The following GOLGA4 variants were observed in gnomAD, a reference collection of about 807,000 sequenced individuals.
GOLGA4 encodes the protein golgin A4, also known as golgin subfamily A member 4.
GOLGA4 carries 169 observed loss-of-function variants against 265.9 expected under a neutral mutation model. That is an observed-to-expected ratio of 0.64 (90% CI 0.56 to 0.72). The LOEUF (loss-of-function observed/expected upper bound fraction) is 0.72, where lower values mean the gene tolerates loss of function less well. Among genes scored for constraint, GOLGA4 ranks in the 30% least tolerant of loss-of-function variants. The pLI is 0.00. For synonymous variants in GOLGA4, 923 were observed against 855.8 expected, an observed-to-expected ratio of 1.08 and a Z score of -1.37; for missense variants, 2,482 against 2,483.4, an observed-to-expected ratio of 1.00 and a Z score of 0.01.
In GOLGA4 at chr3:37,356,464, G is replaced by GT. The variant is rs199517073; in HGVS notation, c.6663+1283dup. 2.3e-3 allele frequency among the ~76,000 whole-genome samples: 348 copies of GT among 152,126 alleles called. 1 individual carries two copies. The highest frequency in any genetic ancestry group is 7.8e-3 in the African/African-American group (325 of 41,526). ...CTATTATTTTGGTTAGCATTTAATT[G>GT]TTTTTTGTAAAAATCCCTCCTCTGC... On this transcript the variant is annotated intron_variant, in intron 22 of 23. Coordinates refer to ENST00000361924, the MANE Select transcript of GOLGA4 (RefSeq NM_002078.5).
chr3:37,326,269 A>C lies in GOLGA4; in HGVS notation c.4383A>C (p.Lys1461Asn), dbSNP rs1470537846. 6.2e-7 allele frequency: 1 copy of C among 1,613,318 alleles called. No individual in the cohort carries two copies. The highest frequency in any genetic ancestry group is 1.3e-5 in the African/African-American group (1 of 74,912). ...TTACACAGCATCAAAACACTGTTAA[A>C]GAATTGCAGATCCAGCTTGAGTTAA... ...SRFTQHQNTV[K>N]ELQIQLELKS... The change falls in exon 14 of 24, where the codon AAA becomes AAC. Residue 1461 changes from lysine to asparagine, a missense_variant. Around this residue, in one of 3 missense-constraint regions of GOLGA4, gnomAD observed 942 missense variants for 983.1 expected, o/e 0.96. Transcript: ENST00000361924.
Position 37,361,840 on chromosome 3 carries a change from G to T in GOLGA4, c.*33+535G>T, listed in dbSNP as rs74802967. On this transcript the variant is annotated intron_variant, in intron 23 of 23. Transcript: ENST00000361924. Reference sequence around the variant, plus strand: ...TAACACAAGACAACACATTTGTCCTGAGGAGACCGTTAGGCAGCCTACTTT... The same window carrying T: ...TAACACAAGACAACACATTTGTCCTTAGGAGACCGTTAGGCAGCCTACTTT... Among the ~76,000 whole-genome samples the T allele has an allele frequency of 5.2e-3, 788 of 152,338 alleles. 2 individuals carry two copies. Among genetic ancestry groups the T allele is most frequent in the Non-Finnish European group, 8.4e-3 (571 of 68,024 alleles).
At chr3:37,362,893 C>T (rs1315771839) in intron 23 of GOLGA4, among the ~76,000 whole-genome samples, 1 of 150,940 alleles carries the variant, frequency 6.6e-6, no homozygotes, top group African/African-American at 2.4e-5. Context: ...CACCATTCTC[C>T]TCCCTCAGCC....
chr3:37,336,847 A>G (rs1559452469), intron 17 of GOLGA4, among the ~76,000 whole-genome samples: 1 of 152,168 alleles, frequency 6.6e-6, no homozygotes, highest in Non-Finnish European at 1.5e-5. Context: ...TTTTATTTCT[A>G]CTCAACATTT....
Position 37,243,584 on chromosome 3 carries a change from G to C in GOLGA4, c.34G>C (p.Glu12Gln). The change falls in exon 1 of 24, where the codon GAG (glutamate) becomes CAG (glutamine). Residue 12 changes from glutamate (E) to glutamine (Q), a missense_variant. By Grantham distance (29) the Glu-to-Gln change is conservative. Transcript: ENST00000361924. ...FKKLKQKISE[E>Q]QQQLQQALAP... is the part of the protein sequence containing the mutation. Reference sequence around the variant, plus strand: ...GAAACTGAAGCAAAAGATCAGCGAGGAGCAGCAGCAGCTCCAGCAGGCGCT... The same window carrying C: ...GAAACTGAAGCAAAAGATCAGCGAGCAGCAGCAGCAGCTCCAGCAGGCGCT... The C allele has an allele frequency of 3.1e-6, 5 of 1,614,052 alleles. No homozygotes were observed. The highest frequency in any genetic ancestry group is 4.2e-6 in the Non-Finnish European group (5 of 1,180,000).
chr3:37,366,270 A>G lies in GOLGA4; in HGVS notation c.*224A>G. 1.3e-5 allele frequency: 6 copies of G among 461,086 alleles called. No homozygotes were observed. The highest frequency in any genetic ancestry group is 1.9e-5 in the Non-Finnish European group (5 of 264,058). The allele number at this position is 461,086 out of a possible 1,614,324, so 28.6% of individuals were successfully genotyped here. On this transcript the variant is annotated 3_prime_UTR_variant, in exon 24 of 24. Coordinates refer to ENST00000361924, the MANE Select transcript of GOLGA4 (RefSeq NM_002078.5). ...TAAAATAGATTTTATCAGTGGAGAA[A>G]TGGTGATAGTTTTTTCTTCAGTTTT...
rs1469281802 is a variant in GOLGA4, at chr3:37,243,518, C to G, written c.-33C>G. ...CCCCGGGCTCTCGCCCTTCAGGTTT[C>G]GTTGACACTCAGGACCGTACGTACG... On this transcript the variant is annotated 5_prime_UTR_variant, in exon 1 of 24. Transcript: ENST00000361924. 1 of 1,604,034 alleles carries G rather than the reference C, an allele frequency of 6.2e-7. No individual in the cohort carries two copies. The highest frequency in any genetic ancestry group is 1.1e-5 in the South Asian group (1 of 90,836).
chr3:37,267,769 A>T (rs558329895), intron 2 of GOLGA4, among the ~76,000 whole-genome samples: 1 of 152,242 alleles, frequency 6.6e-6, no homozygotes, highest in African/African-American at 2.4e-5. Context: ...AGGTTTTTCT[A>T]AACAATAAGA....
intron 4 of GOLGA4, among the ~76,000 whole-genome samples, chr3:37,288,602 G>A (rs1344175449): frequency 1.3e-5 from 2 of 151,606 alleles, no homozygotes; most frequent in East Asian, 3.9e-4. Context: ...TCAGCCTCCT[G>A]AGTAGCTGGG....
rs2096708119 is a variant in GOLGA4, at chr3:37,243,433, A to G, written c.-118A>G. 3.6e-6 allele frequency: 3 copies of G among 844,738 alleles called. No individual in the cohort carries two copies. Among genetic ancestry groups the G allele is most frequent in the Admixed American group, 4.1e-5 (2 of 48,974 alleles). 52.3% of individuals were successfully genotyped at this position (844,738 alleles called of 1,614,324 possible). ...CCACAGCCTCAAGGAGGAGACGGCG[A>G]GGCCCGGCCCCCGCTGTCCCTGGTG... On this transcript the variant is annotated 5_prime_UTR_variant, in exon 1 of 24. Coordinates refer to ENST00000361924, the MANE Select transcript of GOLGA4 (RefSeq NM_002078.5).
intron 17 of GOLGA4, among the ~76,000 whole-genome samples, chr3:37,336,762 A>G (rs1353850547): frequency 7.9e-5 from 12 of 151,944 alleles, no homozygotes; most frequent in African/African-American, 2.7e-4. Flanking sequence ...AGAAGAGCAA[A>G]AGAAAGAGAG....
At chr3:37,295,563 G>T (rs1027510093) in intron 6 of GOLGA4, among the ~76,000 whole-genome samples, 1 of 152,170 alleles carries the variant, frequency 6.6e-6, no homozygotes, top group Admixed American at 6.5e-5. Flanking sequence ...TGTATCTTTT[G>T]ACTAACTGCA....
chr3:37,308,541 T>C (rs899538629), intron 10 of GOLGA4, among the ~76,000 whole-genome samples: 13 of 151,644 alleles, frequency 8.6e-5, no homozygotes, highest in Non-Finnish European at 1.6e-4. Context: ...TTAAAACTTA[T>C]TGGTGATTCC....
At position 37,366,496 on chromosome 3, in the gene GOLGA4, A is replaced by G. The variant is rs1696757134; in HGVS notation, c.*450A>G. On this transcript the variant is annotated 3_prime_UTR_variant, in exon 24 of 24. Coordinates refer to ENST00000361924, the MANE Select transcript of GOLGA4 (RefSeq NM_002078.5). ...TGGATTTTTTCTGATAAATTAGAGC[A>G]TTTAATTGACTATTTTATTCAGGTT... is the stretch of plus-strand genomic sequence containing the variant. 5.8e-6 allele frequency: 1 copy of G among 172,524 alleles called. No individual in the cohort carries two copies. The highest frequency in any genetic ancestry group is 2.0e-4 in the South Asian group (1 of 5,006). 10.7% of individuals were successfully genotyped at this position (172,524 alleles called of 1,614,324 possible). A position where few individuals can be genotyped will look rare whatever the true frequency, so the allele number is the denominator to read the frequency against.
chr3:37,281,114 C>T (rs1029254575), intron 2 of GOLGA4, among the ~76,000 whole-genome samples: 8 of 152,226 alleles, frequency 5.3e-5, no homozygotes, highest in African/African-American at 1.9e-4. Flanking sequence ...ACTGCTGTGA[C>T]CTGAACAAAA....
chr3:37,365,545 G>A (rs1696683785), intron 23 of GOLGA4, among the ~76,000 whole-genome samples: 1 of 152,104 alleles, frequency 6.6e-6, no homozygotes, highest in South Asian at 2.1e-4. Flanking sequence ...TAGGATTATA[G>A]GCATGAGCCA....
chr3:37,321,938 A>G (rs1277261401), intron 13 of GOLGA4, 52 bp downstream of exon 13: 1 of 1,452,770 alleles, frequency 6.9e-7, no homozygotes. Context: ...TTTGCATATG[A>G]AAATTTGTTG....
chr3:37,322,017 G>C lies in GOLGA4; in HGVS notation c.1701+131G>C, dbSNP rs1046490319. 9.8e-6 allele frequency: 7 copies of C among 712,764 alleles called. No homozygotes were observed. The African/African-American group carries it at 1.3e-4, about 13-fold the overall frequency. 44.2% of individuals were successfully genotyped at this position (712,764 alleles called of 1,614,324 possible). ...ATGTATACATGCCCTTCATTTTTAG[G>C]TAGTGTGAGCTATGCATGGGAGTGG... On this transcript the variant is annotated intron_variant, in intron 13 of 23. Coordinates refer to ENST00000361924, the MANE Select transcript of GOLGA4 (RefSeq NM_002078.5).
intron 3 of GOLGA4, among the ~76,000 whole-genome samples, chr3:37,283,757 A>G (rs569872171): frequency 6.6e-6 from 1 of 152,080 alleles, no homozygotes; most frequent in South Asian, 2.1e-4. Flanking sequence ...GAACTCCTGA[A>G]GTCAAGTGAT....
Sources: gnomAD v4.1 joint callset for allele counts (sites outside exome capture counted in the v4.1 genomes callset) on GRCh38, gnomAD v4.1.1 for gene constraint, gnomAD v4.1.1 regional missense constraint, MANE v1.5 for transcripts, NCBI Gene and HGNC (gene_info 2026-07-23, HGNC 2026-07-21) for gene names.